The following GRID2 variants were observed in gnomAD, a reference collection of about 807,000 sequenced individuals.
The protein encoded by GRID2 is glutamate ionotropic receptor delta type subunit 2.
In GRID2, 33 loss-of-function variants were observed where a neutral mutation model predicts 114.8. That is an observed-to-expected ratio of 0.29 (90% CI 0.22 to 0.38). The LOEUF is 0.38. GRID2 is among the 10% of genes least tolerant of loss of function. The pLI is 1.00. For synonymous variants in GRID2, 505 were observed against 449.9 expected (o/e 1.12, Z -1.55); for missense variants, 1,184 against 1,257.7 (o/e 0.94, Z 0.89).
chr4:92,499,724 C>A (rs1016085279), intron 1 of GRID2, among the ~76,000 whole-genome samples: 1 of 152,176 alleles, frequency 6.6e-6, no homozygotes, highest in Non-Finnish European at 1.5e-5. Context: ...ATGCGATTCT[C>A]CTGCCTCAGC....
chr4:92,932,493 TACA>T (rs1049413365), intron 2 of GRID2, among the ~76,000 whole-genome samples: 4 of 151,252 alleles, frequency 2.6e-5, no homozygotes, highest in African/African-American at 7.3e-5. Flanking sequence ...TGTGAAATAG[TACA>T]ACAATTTTAG....
At chr4:92,957,630 A>G (rs1375808502) in intron 2 of GRID2, among the ~76,000 whole-genome samples, 1 of 151,850 alleles carries the variant, frequency 6.6e-6, no homozygotes, top group Non-Finnish European at 1.5e-5. Context: ...TGTGCTAGCT[A>G]TACTGAATAT....
intron 2 of GRID2, among the ~76,000 whole-genome samples, chr4:92,936,250 C>T (rs958138359): frequency 1.4e-5 from 2 of 145,584 alleles, no homozygotes; most frequent in Admixed American, 7.5e-5. Flanking sequence ...ACTAATAGTT[C>T]AATTAATTAA....
At chr4:92,336,438 A>G (rs1337349417) in intron 1 of GRID2, among the ~76,000 whole-genome samples, 4 of 152,156 alleles carry the variant, frequency 2.6e-5, no homozygotes, top group Admixed American at 2.6e-4. Flanking sequence ...TCTACACTTG[A>G]TCTTAGCCAA....
intron 1 of GRID2, among the ~76,000 whole-genome samples, chr4:92,445,577 A>G (rs1733414889): frequency 6.6e-6 from 1 of 152,216 alleles, no homozygotes. Context: ...AACAATAAAT[A>G]TGGCAGGGAT....
At chr4:93,508,459 G>T (rs1438147471) in intron 12 of GRID2, among the ~76,000 whole-genome samples, 6 of 151,798 alleles carry the variant, frequency 4.0e-5, no homozygotes, top group African/African-American at 1.5e-4. Context: ...CCTCCCAAAG[G>T]GCTGGGATTA....
At chr4:92,405,999 C>G (rs1455574777) in intron 1 of GRID2, among the ~76,000 whole-genome samples, 3 of 152,084 alleles carry the variant, frequency 2.0e-5, no homozygotes, top group Non-Finnish European at 4.4e-5. Context: ...GTCCAATGTT[C>G]AAGGGCAGGA....
intron 2 of GRID2, among the ~76,000 whole-genome samples, chr4:92,943,018 C>T (rs997860601): frequency 5.3e-5 from 8 of 152,168 alleles, no homozygotes; most frequent in African/African-American, 1.4e-4. Flanking sequence ...TCCTTCATTT[C>T]AGCTTTGGTG....
At chr4:92,348,308 A>G (rs542460378) in intron 1 of GRID2, among the ~76,000 whole-genome samples, 2 of 152,260 alleles carry the variant, frequency 1.3e-5, no homozygotes, top group East Asian at 3.9e-4. Flanking sequence ...TTAACGTTTC[A>G]ACCTTATAGA....
chr4:92,703,061 GA>G (rs2149302775), intron 2 of GRID2, among the ~76,000 whole-genome samples: 1 of 152,184 alleles, frequency 6.6e-6, no homozygotes, highest in African/African-American at 2.4e-5. Flanking sequence ...TCACCAGTTT[GA>G]AAAAATTACC....
intron 2 of GRID2, among the ~76,000 whole-genome samples, chr4:92,957,810 A>G (rs1398992411): frequency 6.6e-6 from 1 of 152,018 alleles, no homozygotes; most frequent in African/African-American, 2.4e-5. Context: ...CCATTTATTC[A>G]GTCCTTTTTA....
At chr4:92,476,626 C>T (rs1038617853) in intron 1 of GRID2, among the ~76,000 whole-genome samples, 4 of 152,014 alleles carry the variant, frequency 2.6e-5, no homozygotes, top group African/African-American at 9.7e-5. Flanking sequence ...TTACCAGTAG[C>T]AAATGAAAAC....
chr4:93,557,386 G>A lies in GRID2; in HGVS notation c.2193+41975G>A, dbSNP rs567895899. The stretch of plus-strand genomic sequence containing the variant: ...CACATAGGCTCAAAATAAAGGGATG[G>A]AGGAATATTTACCAAGCAAATGGAA... On this transcript the variant is annotated intron_variant, in intron 13 of 15. Transcript: ENST00000282020. Among the ~76,000 whole-genome samples the A allele has an allele frequency of 3.7e-3, 567 of 152,298 alleles. 2 individuals carry two copies. Among genetic ancestry groups the A allele is most frequent in the Non-Finnish European group, 5.1e-3 (350 of 68,032 alleles).
intron 8 of GRID2, chr4:93,318,757 G>T (rs1039011991): frequency 6.6e-6 from 1 of 152,140 alleles, no homozygotes; most frequent in African/African-American, 2.4e-5. Context: ...AGCATCTGTT[G>T]TCCAGGCTTA....
intron 12 of GRID2, among the ~76,000 whole-genome samples, chr4:93,495,746 A>T (rs188437033): frequency 2.5e-3 from 384 of 151,846 alleles, no homozygotes; most frequent in Non-Finnish European, 4.4e-3. Flanking sequence ...TTCAAGGGCT[A>T]CTTAATTTGA....
intron 4 of GRID2, among the ~76,000 whole-genome samples, chr4:93,115,794 A>G (rs954613708): frequency 6.6e-6 from 1 of 152,082 alleles, no homozygotes; most frequent in Non-Finnish European, 1.5e-5. Flanking sequence ...TATAAGACTT[A>G]TTCACTACCA....
rs141214945 is a variant in GRID2 at position 93,034,161 on chromosome 4, A to G, written c.245-50834A>G. ...AGGTGAACAACATAGGGAAAGAAGA[A>G]TAAAGCAACATGACATATTTCCAGT... On this transcript the variant is annotated intron_variant, in intron 2 of 15. Coordinates refer to ENST00000282020, the MANE Select transcript of GRID2 (RefSeq NM_001510.4). Among the ~76,000 whole-genome samples the G allele has an allele frequency of 2.0e-3, 307 of 152,300 alleles. 2 individuals carry two copies. Among genetic ancestry groups the G allele is most frequent in the African/African-American group, 7.1e-3 (296 of 41,582 alleles).
chr4:93,171,105 A>G (rs966146257), intron 4 of GRID2, among the ~76,000 whole-genome samples: 5 of 152,146 alleles, frequency 3.3e-5, no homozygotes, highest in Admixed American at 3.3e-4. Context: ...TTCCTATCTC[A>G]CTTGTAGTAA....
intron 2 of GRID2, among the ~76,000 whole-genome samples, chr4:92,667,032 C>G (rs1732825669): frequency 6.6e-6 from 1 of 151,468 alleles, no homozygotes; most frequent in Non-Finnish European, 1.5e-5. Flanking sequence ...GAAAACTGCT[C>G]TAGTAACATG....
Sources: gnomAD v4.1 joint callset for allele counts (sites outside exome capture counted in the v4.1 genomes callset) on GRCh38, gnomAD v4.1.1 for gene constraint, MANE v1.5 for transcripts, NCBI Gene and HGNC (gene_info 2026-07-23, HGNC 2026-07-21) for gene names.